NKAIN3: variants seen among roughly 807,000 people sequenced by gnomAD.
NKAIN3 encodes sodium/potassium transporting ATPase interacting 3, also known as sodium/potassium-transporting ATPase subunit beta-1-interacting protein 3.
In NKAIN3, 25 loss-of-function variants were observed where a neutral mutation model predicts 30.2. The ratio of observed to expected loss-of-function variants is 0.83; its 90% CI spans 0.60 to 1.16. NKAIN3 has a LOEUF of 1.16. NKAIN3 is among the 50% of genes most tolerant of loss of function. The pLI, the probability that NKAIN3 is intolerant of heterozygous loss-of-function variation, is 0.00. For missense variants in NKAIN3, 225 were observed against 254.1 expected (o/e 0.89, Z 0.78); for synonymous variants, 91 against 89.6 (o/e 1.02, Z -0.09).
chr8:62,360,914 C>T (rs1003564848), intron 1 of NKAIN3, among the ~76,000 whole-genome samples: 1 of 151,756 alleles, frequency 6.6e-6, no homozygotes, highest in Non-Finnish European at 1.5e-5. Flanking sequence ...GGTTTAAAGC[C>T]TGTTTTGTCA....
At chr8:62,822,444 G>T (rs1037923787) in intron 4 of NKAIN3, among the ~76,000 whole-genome samples, 3 of 152,096 alleles carry the variant, frequency 2.0e-5, no homozygotes, top group African/African-American at 7.2e-5. Context: ...TAACATACAT[G>T]CTGATTTTGC....
chr8:62,654,617 G>C (rs1423773903), intron 3 of NKAIN3, among the ~76,000 whole-genome samples: 1 of 152,156 alleles, frequency 6.6e-6, no homozygotes, highest in Non-Finnish European at 1.5e-5. Context: ...CAATGGTAGT[G>C]TCCTTGAAGT....
intron 3 of NKAIN3, among the ~76,000 whole-genome samples, chr8:62,672,046 C>A (rs1474632051): frequency 6.6e-6 from 1 of 152,126 alleles, no homozygotes; most frequent in Non-Finnish European, 1.5e-5. Context: ...GCAATAATGG[C>A]CTCAGCTTCT....
chr8:62,467,792 G>T (rs1252248456), intron 1 of NKAIN3, among the ~76,000 whole-genome samples: 1 of 151,938 alleles, frequency 6.6e-6, no homozygotes, highest in African/African-American at 2.4e-5. Flanking sequence ...TTGAGACAAG[G>T]TTTCACTTTG....
chr8:62,940,042 ACTTAAGGT>A (rs1822906422), intron 5 of NKAIN3, among the ~76,000 whole-genome samples: 1 of 152,078 alleles, frequency 6.6e-6, no homozygotes, highest in Admixed American at 6.6e-5. Flanking sequence ...ACTCACATAA[ACTTAAGGT>A]AAAGAGGTGG....
chr8:62,291,611 A>T (rs1269620224), intron 1 of NKAIN3, among the ~76,000 whole-genome samples: 3 of 152,158 alleles, frequency 2.0e-5, no homozygotes, highest in Non-Finnish European at 2.9e-5. Context: ...ACAGTTTGTT[A>T]TAATTTCTGT....
At chr8:62,621,356 G>A (rs1366418389) in intron 3 of NKAIN3, among the ~76,000 whole-genome samples, 2 of 151,952 alleles carry the variant, frequency 1.3e-5, no homozygotes, top group African/African-American at 4.8e-5. Flanking sequence ...ATTAATAAAT[G>A]TAATATAAAA....
At chr8:62,662,872 A>T (rs561951583) in intron 3 of NKAIN3, among the ~76,000 whole-genome samples, 78 of 152,350 alleles carry the variant, frequency 5.1e-4, no homozygotes, top group African/African-American at 1.7e-3. Context: ...ATGACACAAG[A>T]CATAAATAAG....
At chr8:62,443,319 T>C (rs1032622470) in intron 1 of NKAIN3, among the ~76,000 whole-genome samples, 1 of 152,114 alleles carries the variant, frequency 6.6e-6, no homozygotes, top group Non-Finnish European at 1.5e-5. Flanking sequence ...GTATTATATA[T>C]TGTCCTTCAT....
At chr8:62,287,865 G>T (rs1244154735) in intron 1 of NKAIN3, among the ~76,000 whole-genome samples, 4 of 152,068 alleles carry the variant, frequency 2.6e-5, no homozygotes, top group Non-Finnish European at 4.4e-5. Flanking sequence ...ACTCCTTTGG[G>T]AAGCACAGGC....
rs1820331018 is a variant in NKAIN3, at chr8:62,863,749, C to T, written c.472-54704C>T. ...CTTTCATTGCAACAAATCTTTTCCC[C>T]TACATATCCCAGCACAGCCAGACAG... On this transcript the variant is annotated intron_variant, in intron 4 of 6. Transcript: ENST00000623646. 3.1e-6 allele frequency: 5 copies of T among 1,603,972 alleles called. No individual in the cohort carries two copies. In the South Asian group the frequency reaches 3.3e-5, roughly 11 times the overall value.
At chr8:62,425,372 A>G (rs953011999) in intron 1 of NKAIN3, among the ~76,000 whole-genome samples, 2 of 151,968 alleles carry the variant, frequency 1.3e-5, no homozygotes, top group East Asian at 1.9e-4. Flanking sequence ...TGTGAGCCAC[A>G]TGCATTGGAG....
At chr8:62,403,655 C>G (rs910648275) in intron 1 of NKAIN3, among the ~76,000 whole-genome samples, 1 of 152,174 alleles carries the variant, frequency 6.6e-6, no homozygotes, top group African/African-American at 2.4e-5. Flanking sequence ...GAACCTCTGC[C>G]TAGATTTCAG....
intron 4 of NKAIN3, among the ~76,000 whole-genome samples, chr8:62,907,940 C>T (rs574520119): frequency 1.3e-5 from 2 of 152,302 alleles, no homozygotes; most frequent in South Asian, 2.1e-4. Flanking sequence ...GGGCCACTGT[C>T]CTTCAGACCC....
intron 3 of NKAIN3, among the ~76,000 whole-genome samples, chr8:62,610,706 A>G (rs10107981): frequency 0.023 from 3,546 of 152,172 alleles, 100 homozygotes; most frequent in African/African-American, 0.073. Context: ...CTTACTTTCT[A>G]TTCCCTATAA....
At chr8:62,639,130 A>G (rs78784032) in intron 3 of NKAIN3, among the ~76,000 whole-genome samples, 3,912 of 152,292 alleles carry the variant, frequency 0.026, 66 homozygotes, top group Non-Finnish European at 0.04. Context: ...GCTGAGGCAG[A>G]CAGACACAGG....
At chr8:62,351,975 T>TC (rs1365249609) in intron 1 of NKAIN3, among the ~76,000 whole-genome samples, 1 of 152,044 alleles carries the variant, frequency 6.6e-6, no homozygotes, top group Admixed American at 6.6e-5. Context: ...CTGGTCAGGG[T>TC]CCCCATGTGT....
intron 3 of NKAIN3, among the ~76,000 whole-genome samples, chr8:62,685,006 G>A (rs78544104): frequency 0.019 from 2,890 of 152,222 alleles, 84 homozygotes; most frequent in African/African-American, 0.064. Context: ...GAAGTCCTAA[G>A]AGACTCGCAT....
intron 1 of NKAIN3, among the ~76,000 whole-genome samples, chr8:62,253,812 C>T (rs1240488376): frequency 6.6e-6 from 1 of 152,134 alleles, no homozygotes; most frequent in Non-Finnish European, 1.5e-5. Context: ...ATGAAAGGTG[C>T]AGCTCACCTG....
Sources: allele counts gnomAD v4.1 joint callset (sites outside exome capture counted in the v4.1 genomes callset), GRCh38; gene constraint gnomAD v4.1.1; transcripts MANE v1.5; gene names NCBI Gene and HGNC (gene_info 2026-07-23, HGNC 2026-07-21).